The following ROBO1 variants were observed in gnomAD, a reference collection of about 807,000 sequenced individuals.
ROBO1 encodes roundabout guidance receptor 1.
In ROBO1, 149 loss-of-function variants were observed where a neutral mutation model predicts 195.9. The ratio of observed to expected loss-of-function variants is 0.76; its 90% CI spans 0.67 to 0.87. ROBO1 has a LOEUF of 0.87. Ranked by LOEUF, ROBO1 falls within the 40% of genes least tolerant of loss-of-function variation. The pLI is 0.00. For synonymous variants in ROBO1, 816 were observed against 733.2 expected, an observed-to-expected ratio of 1.11 and a Z score of -1.82; for missense variants, 1,933 against 2,068.3, an observed-to-expected ratio of 0.93 and a Z score of 1.27.
chr3:78,622,134 G>T (rs960982154), intron 26 of ROBO1, among the ~76,000 whole-genome samples: 1 of 151,754 alleles, frequency 6.6e-6, no homozygotes, highest in East Asian at 1.9e-4. Flanking sequence ...GCTATTGTTT[G>T]AAAAAAAGAG....
Position 78,667,940 on chromosome 3 carries a change from C to T in ROBO1, c.1909G>A (p.Ala637Thr). Residue 637 changes from alanine to threonine, a missense_variant, in exon 14 of 31, where the codon GCT becomes ACT. This residue lies in a region of ROBO1 where 1,737 missense variants were observed against 1,882.5 expected (regional missense o/e 0.92). Transcript: ENST00000464233. ...GGATCACTAATTCCATATGCATTAG[C>T]TGCCCTCACAAGGAAAAGGTAAATT... ...NAIYLFLVRA[A>T]NAYGISDPSQ... is the part of the protein sequence containing the mutation. The T allele has an allele frequency of 6.2e-7, 1 of 1,613,750 alleles. No individual in the cohort carries two copies. The highest frequency in any genetic ancestry group is 1.1e-5 in the South Asian group (1 of 91,072).
chr3:78,695,371 A>G (rs1456600535), intron 8 of ROBO1, among the ~76,000 whole-genome samples: 2 of 152,168 alleles, frequency 1.3e-5, no homozygotes, highest in African/African-American at 4.8e-5. Flanking sequence ...CTCGCCTGTA[A>G]TCCCAGCACT....
At position 78,639,873 on chromosome 3, in the gene ROBO1, G is replaced by A; in HGVS notation, c.2908C>T (p.Pro970Ser). ...TCTGCCAGCCATGGCTGCGCGGCAG[G>A]TTCACTGATGTTGAGAAGTCCAGGC... ...GRPGLLNISE[P>S]AAQPWLADTW... The change falls in exon 22 of 31, where the codon CCT becomes TCT. Residue 970 changes from proline to serine, a missense_variant. By Grantham distance (74) the Pro-to-Ser change is moderately conservative. Transcript: ENST00000464233. 3 of 1,605,266 alleles carry A rather than the reference G, an allele frequency of 1.9e-6. No homozygotes were observed. The highest frequency in any genetic ancestry group is 2.6e-6 in the Non-Finnish European group (3 of 1,174,868).
At chr3:78,605,531 C>T (rs145273881) in intron 29 of ROBO1, among the ~76,000 whole-genome samples, 239 of 152,284 alleles carry the variant, frequency 1.6e-3, no homozygotes, top group African/African-American at 5.4e-3. Flanking sequence ...TAAATAGTTA[C>T]CGGCATTATC....
chr3:79,354,717 C>T (rs892581771), intron 2 of ROBO1, among the ~76,000 whole-genome samples: 2 of 152,152 alleles, frequency 1.3e-5, no homozygotes, highest in Non-Finnish European at 2.9e-5. Context: ...ATCTACAAGT[C>T]ATATACTCCA....
At chr3:79,446,936 G>A (rs2039278484) in intron 2 of ROBO1, among the ~76,000 whole-genome samples, 1 of 151,994 alleles carries the variant, frequency 6.6e-6, no homozygotes, top group Non-Finnish European at 1.5e-5. Context: ...CAATTCTCCT[G>A]CCTCAGCCTC....
At chr3:79,738,285 G>A (rs1703474550) in intron 1 of ROBO1, among the ~76,000 whole-genome samples, 1 of 152,064 alleles carries the variant, frequency 6.6e-6, no homozygotes, top group Non-Finnish European at 1.5e-5. Flanking sequence ...AGACTCTCCC[G>A]AAAGGCATTA....
intron 1 of ROBO1, among the ~76,000 whole-genome samples, chr3:79,710,897 G>T (rs1285576550): frequency 1.3e-5 from 2 of 152,006 alleles, no homozygotes; most frequent in African/African-American, 4.8e-5. Context: ...TGCTCTTCTG[G>T]TACTTTGAAG....
chr3:79,620,504 G>A (rs563343222), intron 1 of ROBO1, among the ~76,000 whole-genome samples: 1 of 147,996 alleles, frequency 6.8e-6, no homozygotes, highest in South Asian at 2.3e-4. Flanking sequence ...CCCAACTCTG[G>A]TGCCAACTTG....
At chr3:78,679,077 C>T (rs2080818844) in intron 10 of ROBO1, among the ~76,000 whole-genome samples, 1 of 152,196 alleles carries the variant, frequency 6.6e-6, no homozygotes, top group South Asian at 2.1e-4. Context: ...ACAAAAACCA[C>T]ATGACTATCT....
chr3:78,660,837 G>C (rs1707347775), intron 16 of ROBO1, 193 bp downstream of exon 16: 1 of 500,406 alleles, frequency 2.0e-6, no homozygotes, highest in African/African-American at 1.9e-5. Context: ...CACTATTGAA[G>C]CAAGTCAACT....
intron 2 of ROBO1, among the ~76,000 whole-genome samples, chr3:79,335,056 G>T (rs1301900333): frequency 6.6e-6 from 1 of 152,142 alleles, no homozygotes; most frequent in Non-Finnish European, 1.5e-5. Flanking sequence ...GGTTGAGGTT[G>T]CCATGAGCCA....
intron 2 of ROBO1, among the ~76,000 whole-genome samples, chr3:79,515,077 G>C (rs1032919680): frequency 6.6e-6 from 1 of 151,996 alleles, no homozygotes; most frequent in African/African-American, 2.4e-5. Flanking sequence ...AAAATTCTCC[G>C]AGCCTTGTTT....
intron 1 of ROBO1, among the ~76,000 whole-genome samples, chr3:79,627,682 G>C (rs1047834309): frequency 3.3e-5 from 5 of 152,090 alleles, no homozygotes; most frequent in African/African-American, 1.2e-4. Context: ...CTTCTGCACA[G>C]CAAAAGTAAC....
intron 3 of ROBO1, among the ~76,000 whole-genome samples, chr3:79,055,800 G>C (rs375485082): frequency 1.3e-5 from 2 of 152,050 alleles, no homozygotes; most frequent in Non-Finnish European, 2.9e-5. Flanking sequence ...AATGGCGGCC[G>C]CTGCCATGCC....
At chr3:79,293,578 G>A (rs895703759) in intron 2 of ROBO1, among the ~76,000 whole-genome samples, 8 of 152,056 alleles carry the variant, frequency 5.3e-5, no homozygotes, top group East Asian at 1.9e-4. Context: ...GGTACATTGT[G>A]TCTGTTTTCT....
intron 3 of ROBO1, among the ~76,000 whole-genome samples, chr3:78,950,462 G>A (rs1422403820): frequency 2.9e-5 from 4 of 136,052 alleles, no homozygotes; most frequent in South Asian, 4.7e-4. Flanking sequence ...ATTGAACAAC[G>A]AGAACACACG....
At chr3:79,696,350 T>C (rs1299380415) in intron 1 of ROBO1, among the ~76,000 whole-genome samples, 2 of 150,988 alleles carry the variant, frequency 1.3e-5, no homozygotes, top group Admixed American at 1.3e-4. Flanking sequence ...TTTATGTTGC[T>C]TATTAAATAT....
At chr3:78,986,876 G>T (rs973778262) in intron 3 of ROBO1, among the ~76,000 whole-genome samples, 8 of 152,250 alleles carry the variant, frequency 5.3e-5, no homozygotes, top group African/African-American at 1.9e-4. Context: ...ATGAGTAGTG[G>T]TTTTGTGATC....
Sources: gnomAD v4.1 joint callset for allele counts (sites outside exome capture counted in the v4.1 genomes callset) on GRCh38, gnomAD v4.1.1 for gene constraint, gnomAD v4.1.1 regional missense constraint, MANE v1.5 for transcripts, NCBI Gene and HGNC (gene_info 2026-07-23, HGNC 2026-07-21) for gene names.